Variants in UNC80 observed in about 807,000 individuals in gnomAD.
The protein encoded by UNC80 is protein unc-80 homolog.
A neutral mutation model predicts 384.6 loss-of-function variants in UNC80; 164 were observed. That is an observed-to-expected ratio of 0.43 (90% CI 0.38 to 0.49). The LOEUF is 0.49. Ranked by LOEUF, UNC80 falls within the 20% of genes least tolerant of loss-of-function variation. UNC80 has a pLI of 0.00. For missense variants in UNC80, 3,330 were observed against 4,143.0 expected (o/e 0.80, Z 5.39); for synonymous variants, 1,486 against 1,527.8 (o/e 0.97, Z 0.64).
chr2:209,968,851 A>T (rs981884644), intron 52 of UNC80: 1 of 152,128 alleles, frequency 6.6e-6, no homozygotes, highest in Non-Finnish European at 1.5e-5. Context: ...GTTATAGGCA[A>T]TTTTCTCGGG....
Position 209,820,399 on chromosome 2 carries a change from T to C in UNC80, c.2051T>C (p.Leu684Pro). The C allele has an allele frequency of 6.4e-7, 1 of 1,551,930 alleles. No homozygotes were observed. The highest frequency in any genetic ancestry group is 8.7e-7 in the Non-Finnish European group (1 of 1,147,024). The stretch of plus-strand genomic sequence containing the variant: ...GCGCTAAACATTGTGGAATGCTTGC[T>C]TCAACTTGGTGTGGTGCCCTGTGTA... ...DVALNIVECLLQLGVVPCVEK... is the reference protein window; with the variant it reads ...DVALNIVECLPQLGVVPCVEK... Residue 684 changes from leucine (L) to proline (P), a missense_variant, in exon 13 of 65, where the codon CTT becomes CCT. Transcript: ENST00000673920.
intron 31 of UNC80, among the ~76,000 whole-genome samples, chr2:209,915,404 C>CAA (rs5838189): frequency 7.7e-4 from 59 of 76,882 alleles, no homozygotes; most frequent in African/African-American, 1.9e-3. Context: ...GACTCTGTCT[C>CAA]AAAAAAAAAA....
At chr2:209,891,936 T>C (rs1170771451) in intron 26 of UNC80, among the ~76,000 whole-genome samples, 2 of 152,122 alleles carry the variant, frequency 1.3e-5, no homozygotes, top group Non-Finnish European at 2.9e-5. Context: ...ATAAACACGC[T>C]GAGGACAATT....
At chr2:209,871,693 A>G (rs1325246097) in intron 22 of UNC80, among the ~76,000 whole-genome samples, 1 of 152,122 alleles carries the variant, frequency 6.6e-6, no homozygotes, top group Non-Finnish European at 1.5e-5. Context: ...TTGACCTTCT[A>G]TGGAAAACTT....
At chr2:209,881,670 C>A (rs963669136) in intron 25 of UNC80, among the ~76,000 whole-genome samples, 1 of 152,090 alleles carries the variant, frequency 6.6e-6, no homozygotes, top group Non-Finnish European at 1.5e-5. Flanking sequence ...TGCATATACA[C>A]TCCTGTGTGG....
At chr2:209,989,876 T>C (rs1423735701) in intron 61 of UNC80, among the ~76,000 whole-genome samples, 1 of 152,224 alleles carries the variant, frequency 6.6e-6, no homozygotes, top group Non-Finnish European at 1.5e-5. Flanking sequence ...TATTCCTAAC[T>C]GTACAGAGTT....
chr2:209,912,525 C>G, intron 29 of UNC80, 35 bp from the exon 30 acceptor site: 1 of 1,441,646 alleles, frequency 6.9e-7, no homozygotes. Context: ...TTAGAAAACA[C>G]ATCACTCTTC....
rs534223646 is a variant in UNC80 at position 209,991,787 on chromosome 2, T to C, written c.9315-379T>C. Among the ~76,000 whole-genome samples the C allele has an allele frequency of 2.6e-5, 4 of 152,280 alleles. No homozygotes were observed. In the East Asian group the frequency reaches 7.7e-4, roughly 29 times the overall value. ...AATTTTAAAAAGATGTTCCCATCCA[T>C]GTGATAGAGTTGTTTGTGTTTGTTT... On this transcript the variant is annotated intron_variant, in intron 61 of 64. Coordinates refer to ENST00000673920, the MANE Select transcript of UNC80 (RefSeq NM_001371986.1).
chr2:209,892,704 T>A lies in UNC80; in HGVS notation c.4277-1459T>A, dbSNP rs142408618. Among the ~76,000 whole-genome samples, 308 of 152,336 alleles carry A rather than the reference T, an allele frequency of 2.0e-3. 1 individual carries two copies. The highest frequency in any genetic ancestry group is 6.6e-3 in the African/African-American group (275 of 41,586). ...CTGTGCTTCCGAATCTACTTAGACA[T>A]GAAATTGCACTCGTAGTCATTACAA... On this transcript the variant is annotated intron_variant, in intron 26 of 64. Coordinates refer to ENST00000673920, the MANE Select transcript of UNC80 (RefSeq NM_001371986.1).
chr2:209,786,469 T>C (rs1393809618), intron 5 of UNC80, among the ~76,000 whole-genome samples: 1 of 152,176 alleles, frequency 6.6e-6, no homozygotes, highest in Non-Finnish European at 1.5e-5. Flanking sequence ...AAGATTGTTA[T>C]GAGGAATGGA....
At position 209,891,341 on chromosome 2, in the gene UNC80, A is replaced by G. The variant is rs139768742; in HGVS notation, c.4277-2822A>G. 4.0e-3 allele frequency among the ~76,000 whole-genome samples: 603 copies of G among 152,200 alleles called. 6 individuals carry two copies. Among genetic ancestry groups the G allele is most frequent in the African/African-American group, 0.014 (569 of 41,556 alleles). ...GAATATGAAGAAGTATCAAATGAATATTTTTTTCAAATATTACTTACTTCA... is the reference window on the plus strand; with the variant it reads ...GAATATGAAGAAGTATCAAATGAATGTTTTTTTCAAATATTACTTACTTCA... On this transcript the variant is annotated intron_variant, in intron 26 of 64. Transcript: ENST00000673920.
chr2:209,905,468 G>C (rs1181057901), intron 29 of UNC80, among the ~76,000 whole-genome samples: 1 of 152,120 alleles, frequency 6.6e-6, no homozygotes, highest in African/African-American at 2.4e-5. Flanking sequence ...ATGATGCGGG[G>C]CCATGAGCCA....
intron 9 of UNC80, among the ~76,000 whole-genome samples, chr2:209,816,152 GA>G (rs1251795386): frequency 1.3e-5 from 2 of 152,116 alleles, no homozygotes; most frequent in Non-Finnish European, 2.9e-5. Context: ...CATTTGAAAG[GA>G]AAAAAGTGGT....
intron 30 of UNC80, 146 bp downstream of exon 30, chr2:209,912,813 C>T: frequency 1.7e-6 from 1 of 584,290 alleles, no homozygotes; most frequent in Non-Finnish European, 3.0e-6. Context: ...AAGAGTGCCA[C>T]CAAGTGTGCC....
chr2:209,925,871 C>A (rs1313183823), intron 35 of UNC80, among the ~76,000 whole-genome samples: 1 of 152,114 alleles, frequency 6.6e-6, no homozygotes, highest in African/African-American at 2.4e-5. Flanking sequence ...CCCTCTAGTC[C>A]TTCATAGGCC....
intron 7 of UNC80, among the ~76,000 whole-genome samples, chr2:209,805,723 A>G (rs553035450): frequency 1.2e-4 from 18 of 152,310 alleles, no homozygotes; most frequent in Admixed American, 1.1e-3. Flanking sequence ...CTATAACCTA[A>G]TCTTCTATAA....
At chr2:209,893,234 A>G (rs1012916327) in intron 26 of UNC80, among the ~76,000 whole-genome samples, 1 of 152,208 alleles carries the variant, frequency 6.6e-6, no homozygotes, top group African/African-American at 2.4e-5. Context: ...TAAGAAGGTA[A>G]GCTTATAAAA....
At chr2:209,884,361 C>T (rs2124901386) in intron 25 of UNC80, among the ~76,000 whole-genome samples, 1 of 152,246 alleles carries the variant, frequency 6.6e-6, no homozygotes, top group East Asian at 1.9e-4. Context: ...CTCTGTATGT[C>T]TACATTCGTT....
chr2:209,829,488 G>A (rs1214723726), intron 15 of UNC80, 109 bp downstream of exon 15: 24 of 1,182,910 alleles, frequency 2.0e-5, no homozygotes, highest in African/African-American at 6.1e-5. Context: ...GAAAAGATAC[G>A]TATGTGTCCA....
Sources: gnomAD v4.1 joint callset for allele counts (sites outside exome capture counted in the v4.1 genomes callset) on GRCh38, gnomAD v4.1.1 for gene constraint, MANE v1.5 for transcripts, NCBI Gene and HGNC (gene_info 2026-07-23, HGNC 2026-07-21) for gene names.